The following SCUBE1 variants were observed in gnomAD, a reference collection of about 807,000 sequenced individuals.
SCUBE1 encodes signal peptide, CUB domain and EGF like domain containing 1.
A neutral mutation model predicts 124.4 loss-of-function variants in SCUBE1; 59 were observed. That is an observed-to-expected ratio of 0.47 (90% confidence interval 0.38 to 0.59). SCUBE1 has a LOEUF of 0.59. Ranked by LOEUF, SCUBE1 falls within the 20% of genes least tolerant of loss-of-function variation. SCUBE1 has a pLI of 0.00. For missense variants in SCUBE1, 1,150 were observed against 1,371.2 expected, an observed-to-expected ratio of 0.84 and a Z score of 2.55; for synonymous variants, 545 against 550.9, an observed-to-expected ratio of 0.99 and a Z score of 0.15.
chr22:43,235,853 C>A, intron 7 of SCUBE1, among the ~76,000 whole-genome samples: 1 of 152,086 alleles, frequency 6.6e-6, no homozygotes, highest in Non-Finnish European at 1.5e-5. Context: ...CACCTCCCAA[C>A]ACCAAACGGG....
Position 43,247,902 on chromosome 22 carries a change from C to T in SCUBE1, c.728-8948G>A, listed in dbSNP as rs142055937. Among the ~76,000 whole-genome samples, 316 of 152,296 alleles carry T rather than the reference C, an allele frequency of 2.1e-3. 2 individuals carry two copies. Among genetic ancestry groups the T allele is most frequent in the African/African-American group, 7.0e-3 (291 of 41,554 alleles). ...GTATTACCATGTGGGCCTGCAGGGCCGGGGGGTCAGGACTGGATTAGCAAA... is the reference window on the plus strand; with the variant it reads ...GTATTACCATGTGGGCCTGCAGGGCTGGGGGGTCAGGACTGGATTAGCAAA... On this transcript the variant is annotated intron_variant, in intron 6 of 21. Transcript: ENST00000360835.
chr22:43,199,253 T>C lies in SCUBE1; in HGVS notation c.*4744A>G. The C allele has an allele frequency of 5.7e-6, 1 of 174,974 alleles. No individual in the cohort carries two copies. Among genetic ancestry groups the C allele is most frequent in the Non-Finnish European group, 1.2e-5 (1 of 83,494 alleles). The allele number at this position is 174,974 out of a possible 1,614,324, so 10.8% of individuals were successfully genotyped here. A position where few individuals can be genotyped will look rare whatever the true frequency, so the allele number is the denominator to read the frequency against. ...GGGTGGTGGAGGCACCGGAATAATA[T>C]TCAACTCCAAAAATGTAAATTAAGC... is the stretch of plus-strand genomic sequence containing the variant. On this transcript the variant is annotated 3_prime_UTR_variant, in exon 22 of 22. Coordinates refer to ENST00000360835, the MANE Select transcript of SCUBE1 (RefSeq NM_173050.5).
chr22:43,211,163 C>A lies in SCUBE1; in HGVS notation c.2222-80G>T. The stretch of plus-strand genomic sequence containing the variant: ...AGCACTGGGGTGCTGTCCCCAGGAC[C>A]TCTCATGCCCTCGAGGTCTGTTTTG... On this transcript the variant is annotated intron_variant, in intron 17 of 21. Transcript: ENST00000360835. This position sits in a 1 kb window ranked among gnomAD's most constrained non-coding sequence, Gnocchi z 4.5. 1 of 1,416,878 alleles carries A rather than the reference C, an allele frequency of 7.1e-7. No individual in the cohort carries two copies. Among genetic ancestry groups the A allele is most frequent in the Non-Finnish European group, 9.7e-7 (1 of 1,034,576 alleles). 87.8% of individuals were successfully genotyped at this position (1,416,878 alleles called of 1,614,324 possible). A position where few individuals can be genotyped will look rare whatever the true frequency, so the allele number is the denominator to read the frequency against.
In SCUBE1 at chr22:43,197,534, T is replaced by C. The variant is rs532428719; in HGVS notation, c.*6463A>G. Reference sequence around the variant, plus strand: ...CTGGTGTCCTGTTCCCCGAGCAATGTGGCCTGCGTCTGCTCGGCATGTTGG... The same window carrying C: ...CTGGTGTCCTGTTCCCCGAGCAATGCGGCCTGCGTCTGCTCGGCATGTTGG... On this transcript the variant is annotated 3_prime_UTR_variant, in exon 22 of 22. Transcript: ENST00000360835. 6.6e-6 allele frequency: 1 copy of C among 152,406 alleles called. No homozygotes were observed. The highest frequency in any genetic ancestry group is 1.9e-4 in the East Asian group (1 of 5,190). The allele number at this position is 152,406 out of a possible 1,614,324, so 9.4% of individuals were successfully genotyped here. A position where few individuals can be genotyped will look rare whatever the true frequency, so the allele number is the denominator to read the frequency against.
At chr22:43,244,500 C>A (rs902212206) in intron 6 of SCUBE1, among the ~76,000 whole-genome samples, 3 of 152,260 alleles carry the variant, frequency 2.0e-5, no homozygotes, top group Non-Finnish European at 4.4e-5. Context: ...GGACCCTACC[C>A]TCTGTTGGGC....
At chr22:43,302,372 G>A (rs2146764623) in intron 3 of SCUBE1, among the ~76,000 whole-genome samples, 1 of 152,344 alleles carries the variant, frequency 6.6e-6, no homozygotes, top group East Asian at 1.9e-4. Flanking sequence ...GGAAGTGAGT[G>A]GAGAGGGAAG....
intron 3 of SCUBE1, among the ~76,000 whole-genome samples, chr22:43,316,141 A>G (rs1035647093): frequency 2.0e-5 from 3 of 152,224 alleles, no homozygotes; most frequent in African/African-American, 7.2e-5. Flanking sequence ...ACACTCTGCT[A>G]CATGCTCCAC....
chr22:43,319,807 T>C (rs1008237744), intron 3 of SCUBE1, 130 bp downstream of exon 3: 57 of 1,153,606 alleles, frequency 4.9e-5, no homozygotes, highest in Middle Eastern at 3.0e-4. Flanking sequence ...TATTTTGTTA[T>C]GACAACCCTG....
intron 6 of SCUBE1, among the ~76,000 whole-genome samples, chr22:43,246,494 C>T (rs553332938): frequency 1.3e-5 from 2 of 152,354 alleles, no homozygotes; most frequent in South Asian, 4.1e-4. Context: ...TGATCAGGCT[C>T]ATGCCAGGCC....
intron 3 of SCUBE1, among the ~76,000 whole-genome samples, chr22:43,303,286 G>A (rs2269667): frequency 0.086 from 13,140 of 152,242 alleles, 1,195 homozygotes; most frequent in East Asian, 0.22. Context: ...GTATCCTTGA[G>A]CGTGAGCGTC....
At chr22:43,228,367 C>A (rs148918840) in intron 9 of SCUBE1, among the ~76,000 whole-genome samples, 1 of 152,334 alleles carries the variant, frequency 6.6e-6, no homozygotes, top group East Asian at 1.9e-4. Context: ...ATGCCTGGAG[C>A]TGTCTTCCCA....
At chr22:43,218,158 G>A (rs1921919790) in intron 15 of SCUBE1, 97 bp downstream of exon 15, 1 of 1,164,174 alleles carries the variant, frequency 8.6e-7, no homozygotes, top group African/African-American at 1.5e-5. Context: ...CCCCTCCCCA[G>A]GTGTCTGTCT....
intron 4 of SCUBE1, among the ~76,000 whole-genome samples, chr22:43,288,241 T>G (rs934281457): frequency 6.6e-6 from 1 of 152,180 alleles, no homozygotes; most frequent in African/African-American, 2.4e-5. Context: ...AATCAGGATC[T>G]GACCACCTGG....
intron 4 of SCUBE1, among the ~76,000 whole-genome samples, chr22:43,283,994 T>C (rs948907733): frequency 3.3e-5 from 5 of 152,242 alleles, no homozygotes; most frequent in Admixed American, 2.0e-4. Flanking sequence ...TGAGTGGCAA[T>C]GGCTCCCATG....
At chr22:43,273,005 C>T (rs1022991450) in intron 4 of SCUBE1, among the ~76,000 whole-genome samples, 1 of 152,232 alleles carries the variant, frequency 6.6e-6, no homozygotes. Context: ...CAAGAGGTGG[C>T]ACACAAGGAC....
chr22:43,330,245 A>T (rs1926863284), intron 2 of SCUBE1, among the ~76,000 whole-genome samples: 1 of 152,152 alleles, frequency 6.6e-6, no homozygotes, highest in African/African-American at 2.4e-5. Flanking sequence ...TGGCTCACGG[A>T]GTTAGGAGGG....
chr22:43,211,492 C>T lies in SCUBE1; in HGVS notation c.2222-409G>A, dbSNP rs1029002948. 2.1e-5 allele frequency among the ~76,000 whole-genome samples: 3 copies of T among 146,022 alleles called. No individual in the cohort carries two copies. The highest frequency in any genetic ancestry group is 7.6e-5 in the African/African-American group (3 of 39,696). On this transcript the variant is annotated intron_variant, in intron 17 of 21. Coordinates refer to ENST00000360835, the MANE Select transcript of SCUBE1 (RefSeq NM_173050.5). The surrounding 1 kb of genome is among the most constrained non-coding windows in gnomAD (Gnocchi z 4.5). ...CAGGCGGCCGGAGTCTGAGGGGTGC[C>T]GGGGCGGGGGGCTAGAGATGGGCAA...
rs1419320884 is a variant in SCUBE1 at position 43,212,434 on chromosome 22, C to T, written c.2212G>A (p.Glu738Lys). The T allele has an allele frequency of 7.1e-6, 11 of 1,551,072 alleles. No homozygotes were observed. Among genetic ancestry groups the T allele is most frequent in the South Asian group, 3.6e-5 (3 of 84,042 alleles). The change falls in exon 17 of 22, where the codon GAG becomes AAG. Residue 738 changes from glutamate to lysine, a missense_variant. Coordinates refer to ENST00000360835, the MANE Select transcript of SCUBE1 (RefSeq NM_173050.5). Reference protein sequence around the residue: ...HEGTTSFQDCEAKVHCSPGHH... With the variant: ...HEGTTSFQDCKAKVHCSPGHH... ...GGGAGGGCATGCTCACCTTTAGCCT[C>T]GCAGTCCTGGAAGGAGGTGGTGCCT...
chr22:43,239,157 G>A, intron 6 of SCUBE1: 1 of 597,634 alleles, frequency 1.7e-6, no homozygotes, highest in Non-Finnish European at 3.0e-6. Context: ...ATGGGGGAAT[G>A]ACACCATTCC....
Sources: gnomAD v4.1 joint callset for allele counts (sites outside exome capture counted in the v4.1 genomes callset) on GRCh38, gnomAD v4.1.1 for gene constraint, Gnocchi (gnomAD v3.1) non-coding constraint, MANE v1.5 for transcripts, NCBI Gene and HGNC (gene_info 2026-07-23, HGNC 2026-07-21) for gene names.